The following CPNE4 variants were observed in gnomAD, a reference collection of about 807,000 sequenced individuals.
CPNE4 encodes the protein copine-4.
A neutral mutation model predicts 67.9 loss-of-function variants in CPNE4; 25 were observed. The ratio of observed to expected loss-of-function variants is 0.37; its 90% CI spans 0.27 to 0.51. CPNE4 has a LOEUF of 0.51. CPNE4 is among the 20% of genes least tolerant of loss of function. CPNE4 has a pLI of 0.93. For synonymous variants in CPNE4, 242 were observed against 244.9 expected, an observed-to-expected ratio of 0.99 and a Z score of 0.11; for missense variants, 464 against 690.8, an observed-to-expected ratio of 0.67 and a Z score of 3.68.
intron 2 of CPNE4, among the ~76,000 whole-genome samples, chr3:131,848,653 T>C (rs2107637187): frequency 8.0e-6 from 1 of 125,416 alleles, no homozygotes; most frequent in African/African-American, 2.8e-5. Flanking sequence ...TGATTAGTAA[T>C]TAAATGTGCA....
intron 15 of CPNE4, chr3:131,537,466 A>T (rs1488700477): frequency 6.2e-6 from 1 of 160,752 alleles, no homozygotes; most frequent in Non-Finnish European, 1.4e-5. Flanking sequence ...TATTTTTAGT[A>T]GACATGGGGT....
At chr3:131,686,131 C>A (rs2080883168) in intron 5 of CPNE4, among the ~76,000 whole-genome samples, 173 bp from the exon 6 acceptor site, 1 of 152,194 alleles carries the variant, frequency 6.6e-6, no homozygotes, top group South Asian at 2.1e-4. Context: ...ACTCTCTTCT[C>A]TTTACCTGTG....
chr3:132,021,773 A>G (rs942680772), intron 1 of CPNE4, among the ~76,000 whole-genome samples: 1 of 152,200 alleles, frequency 6.6e-6, no homozygotes, highest in Non-Finnish European at 1.5e-5. Flanking sequence ...CATAGAAGTT[A>G]AAAATGTATG....
chr3:131,803,431 G>A (rs1250256866), intron 2 of CPNE4, among the ~76,000 whole-genome samples: 2 of 152,170 alleles, frequency 1.3e-5, no homozygotes, highest in African/African-American at 2.4e-5. Context: ...GCTGCTAACT[G>A]TCTCTATCAA....
intron 3 of CPNE4, among the ~76,000 whole-genome samples, chr3:131,717,918 CTTT>C (rs1225003525): frequency 2.6e-4 from 35 of 134,384 alleles, no homozygotes; most frequent in African/African-American, 8.2e-4. Flanking sequence ...TTCTTTCTTT[CTTT>C]CTTTCTTTCT....
intron 2 of CPNE4, among the ~76,000 whole-genome samples, chr3:131,799,013 T>C (rs1380929234): frequency 6.6e-6 from 1 of 152,160 alleles, no homozygotes; most frequent in South Asian, 2.1e-4. Context: ...CCATAGTCAA[T>C]TAAAGACACT....
intron 2 of CPNE4, among the ~76,000 whole-genome samples, chr3:131,793,564 A>G (rs1430307141): frequency 6.6e-6 from 1 of 152,228 alleles, no homozygotes; most frequent in Non-Finnish European, 1.5e-5. Context: ...GAGCATCTGC[A>G]TTTCTGATAC....
chr3:131,835,317 T>C (rs770028007), intron 2 of CPNE4, among the ~76,000 whole-genome samples: 1 of 152,118 alleles, frequency 6.6e-6, no homozygotes, highest in Non-Finnish European at 1.5e-5. Context: ...TCAGCTGAGG[T>C]CAGGAGTTTG....
intron 2 of CPNE4, among the ~76,000 whole-genome samples, chr3:131,898,451 C>A (rs1560562365): frequency 6.6e-6 from 1 of 152,070 alleles, no homozygotes; most frequent in Non-Finnish European, 1.5e-5. Context: ...ATTCCTCTGG[C>A]TGATGAAATT....
chr3:131,625,528 GA>G (rs2079052099), intron 7 of CPNE4, among the ~76,000 whole-genome samples: 1 of 152,038 alleles, frequency 6.6e-6, no homozygotes, highest in Admixed American at 6.6e-5. Flanking sequence ...GGGACAGTAA[GA>G]AAATGTACAT....
chr3:131,810,888 C>A (rs941152123), intron 2 of CPNE4, among the ~76,000 whole-genome samples: 1 of 151,954 alleles, frequency 6.6e-6, no homozygotes, highest in Admixed American at 6.6e-5. Context: ...TTGTGACAAC[C>A]TTGATAGACC....
chr3:131,767,273 G>GT (rs1187243526), intron 2 of CPNE4, among the ~76,000 whole-genome samples: 1 of 151,798 alleles, frequency 6.6e-6, no homozygotes, highest in South Asian at 2.1e-4. Context: ...GTGTGTGTGT[G>GT]TGTGTGTGTA....
At chr3:132,005,187 A>G (rs9839165) in intron 1 of CPNE4, among the ~76,000 whole-genome samples, 117,837 of 150,916 alleles carry the variant, frequency 0.78, 46,997 homozygotes, top group South Asian at 0.88. Flanking sequence ...CACTCATACC[A>G]GAGGACAATT....
intron 2 of CPNE4, among the ~76,000 whole-genome samples, chr3:131,762,692 A>C (rs572447522): frequency 6.6e-6 from 1 of 152,110 alleles, no homozygotes; most frequent in Non-Finnish European, 1.5e-5. Context: ...GCCCCTTGAA[A>C]TAGAAAGGTT....
At chr3:131,984,682 G>A (rs1313011733) in intron 1 of CPNE4, among the ~76,000 whole-genome samples, 1 of 152,302 alleles carries the variant, frequency 6.6e-6, no homozygotes, top group African/African-American at 2.4e-5. Context: ...TTAAGGGCTT[G>A]TTCTGGTCAC....
chr3:131,779,276 A>T (rs1033020072), intron 2 of CPNE4, among the ~76,000 whole-genome samples: 1 of 152,120 alleles, frequency 6.6e-6, no homozygotes, highest in Admixed American at 6.6e-5. Context: ...CAATTTACAG[A>T]TTCAATGTTA....
intron 1 of CPNE4, among the ~76,000 whole-genome samples, chr3:131,925,952 A>G (rs1203775601): frequency 6.6e-6 from 1 of 152,230 alleles, no homozygotes; most frequent in Non-Finnish European, 1.5e-5. Context: ...TGAGAAAGTC[A>G]GAAACACAAT....
intron 3 of CPNE4, among the ~76,000 whole-genome samples, chr3:131,716,225 G>A (rs377425596): frequency 9.6e-5 from 14 of 146,372 alleles, no homozygotes; most frequent in East Asian, 4.0e-4. Flanking sequence ...CAGACAGAGC[G>A]AGTACTACAG....
rs544583546 is a variant in CPNE4, at chr3:131,888,140, C to T, written c.180+17124G>A. ...AATCCTGAAGCACAGAATCCATGAG[C>T]TTAATAAAATGGTTGCTTCAATTCA... On this transcript the variant is annotated intron_variant, in intron 2 of 15. Transcript: ENST00000429747. Among the ~76,000 whole-genome samples, 3 of 152,284 alleles carry T rather than the reference C, an allele frequency of 2.0e-5. No homozygotes were observed. In the East Asian group the frequency reaches 5.8e-4, roughly 29 times the overall value.
Sources: gnomAD v4.1 joint callset for allele counts (sites outside exome capture counted in the v4.1 genomes callset) on GRCh38, gnomAD v4.1.1 for gene constraint, MANE v1.5 for transcripts, NCBI Gene and HGNC (gene_info 2026-07-23, HGNC 2026-07-21) for gene names.